Variants in CLNK observed in about 807,000 individuals in gnomAD.
CLNK encodes the protein cytokine-dependent hematopoietic cell linker.
Under a neutral mutation model 68.6 loss-of-function variants are expected in CLNK, and 74 were observed. That is an observed-to-expected ratio of 1.08 (90% CI 0.89 to 1.31). The LOEUF (loss-of-function observed/expected upper bound fraction) is 1.31, where lower values mean the gene tolerates loss of function less well. Ranked by LOEUF, CLNK falls within the 50% of genes most tolerant of loss-of-function variation. The pLI, the probability that CLNK is intolerant of heterozygous loss-of-function variation, is 0.00. For missense variants in CLNK, 553 were observed against 515.3 expected, an observed-to-expected ratio of 1.07 and a Z score of -0.71; for synonymous variants, 198 against 172.2, an observed-to-expected ratio of 1.15 and a Z score of -1.17.
At chr4:10,658,424 T>C (rs1278047137) in intron 2 of CLNK, among the ~76,000 whole-genome samples, 2 of 152,196 alleles carry the variant, frequency 1.3e-5, no homozygotes, top group African/African-American at 4.8e-5. Flanking sequence ...TCCAAAACAG[T>C]AGCTTAAAAC....
chr4:10,675,892 C>A (rs1297067291), intron 1 of CLNK, among the ~76,000 whole-genome samples: 1 of 152,118 alleles, frequency 6.6e-6, no homozygotes, highest in Non-Finnish European at 1.5e-5. Context: ...TTTCTTTTAT[C>A]ATTAAAACAG....
intron 2 of CLNK, among the ~76,000 whole-genome samples, chr4:10,638,003 A>G (rs1723161671): frequency 6.6e-6 from 1 of 152,160 alleles, no homozygotes; most frequent in African/African-American, 2.4e-5. Flanking sequence ...GAGTGAGCAC[A>G]GGGTCATCTA....
chr4:10,623,383 G>A (rs1183486780), intron 2 of CLNK, among the ~76,000 whole-genome samples: 6 of 152,160 alleles, frequency 3.9e-5, no homozygotes, highest in Non-Finnish European at 8.8e-5. Context: ...TGTTTGTTGA[G>A]CATCTCCTCA....
chr4:10,583,696 A>G (rs555650192), intron 4 of CLNK, among the ~76,000 whole-genome samples: 4 of 152,266 alleles, frequency 2.6e-5, no homozygotes, highest in African/African-American at 9.6e-5. Context: ...CTTTATATCA[A>G]TGGACTTTTG....
At chr4:10,663,992 C>T (rs923205897) in intron 2 of CLNK, among the ~76,000 whole-genome samples, 1 of 152,192 alleles carries the variant, frequency 6.6e-6, no homozygotes, top group Non-Finnish European at 1.5e-5. Flanking sequence ...TGTTCTTGGA[C>T]TTCCCAGCTC....
At position 10,508,053 on chromosome 4, in the gene CLNK, A is replaced by G. The variant is rs1018414627; in HGVS notation, c.907-17T>C. 4.4e-6 allele frequency: 7 copies of G among 1,588,202 alleles called. No homozygotes were observed. The highest frequency in any genetic ancestry group is 6.0e-6 in the Non-Finnish European group (7 of 1,166,074). Reference sequence around the variant, plus strand: ...CTGGACATCCTGCAGAACAGAATCAATGATAAATATTTTAGGGTCAATGGG... The same window carrying G: ...CTGGACATCCTGCAGAACAGAATCAGTGATAAATATTTTAGGGTCAATGGG... On this transcript the variant is annotated splice_polypyrimidine_tract_variant and intron_variant, in intron 16 of 18. Transcript: ENST00000226951.
At chr4:10,578,952 C>G (rs556449110) in intron 4 of CLNK, among the ~76,000 whole-genome samples, 1 of 152,326 alleles carries the variant, frequency 6.6e-6, no homozygotes, top group East Asian at 1.9e-4. Context: ...GTGCCAGGCA[C>G]AAACTGGTGA....
chr4:10,549,150 G>A (rs376748440), intron 8 of CLNK, among the ~76,000 whole-genome samples: 4 of 152,100 alleles, frequency 2.6e-5, no homozygotes, highest in Admixed American at 2.0e-4. Context: ...AAAAATCCAC[G>A]GGGATTTCAG....
intron 1 of CLNK, among the ~76,000 whole-genome samples, chr4:10,680,009 A>G (rs2108902715): frequency 6.6e-6 from 1 of 152,304 alleles, no homozygotes; most frequent in South Asian, 2.1e-4. Context: ...CAGCCATCTC[A>G]TTACTGGATA....
At chr4:10,491,187 A>G (rs1236543327) in intron 18 of CLNK, among the ~76,000 whole-genome samples, 1 of 152,370 alleles carries the variant, frequency 6.6e-6, no homozygotes, top group Non-Finnish European at 1.5e-5. Flanking sequence ...TAAACTTCCT[A>G]TACAGGGAGT....
intron 4 of CLNK, 137 bp from the exon 5 acceptor site, chr4:10,571,915 TA>T (rs1720369734): frequency 1.5e-6 from 1 of 660,690 alleles, no homozygotes; most frequent in Non-Finnish European, 2.6e-6. Context: ...TTTTCAAAAC[TA>T]AAGTGCATTT....
At chr4:10,714,726 T>G in the CLNK span, among the ~76,000 whole-genome samples, 1 of 151,572 alleles carries the variant, frequency 6.6e-6, no homozygotes, top group South Asian at 2.1e-4. Context: ...GTGAGTAGCT[T>G]ATTCTCATAT....
the CLNK span, among the ~76,000 whole-genome samples, chr4:10,723,085 T>C: frequency 0.1 from 15,172 of 152,142 alleles, 898 homozygotes; most frequent in South Asian, 0.22. Flanking sequence ...TATTGGTTAC[T>C]TGGTGTATGC....
At chr4:10,668,754 G>A (rs1724510148) in intron 1 of CLNK, among the ~76,000 whole-genome samples, 1 of 152,178 alleles carries the variant, frequency 6.6e-6, no homozygotes, top group Admixed American at 6.5e-5. Flanking sequence ...TAGAGGAGCT[G>A]TGGCTTTCAG....
At chr4:10,519,720 G>T (rs1296588193) in intron 15 of CLNK, among the ~76,000 whole-genome samples, 1 of 152,140 alleles carries the variant, frequency 6.6e-6, no homozygotes, top group Non-Finnish European at 1.5e-5. Context: ...CAACCCATAG[G>T]CCTACTGAGG....
At chr4:10,634,264 A>G (rs1201316465) in intron 2 of CLNK, among the ~76,000 whole-genome samples, 1 of 152,162 alleles carries the variant, frequency 6.6e-6, no homozygotes, top group Non-Finnish European at 1.5e-5. Context: ...CCTTTTTCCA[A>G]AGGAAGTTTT....
the CLNK span, among the ~76,000 whole-genome samples, chr4:10,726,533 GCT>G: frequency 6.6e-6 from 1 of 152,126 alleles, no homozygotes; most frequent in Non-Finnish European, 1.5e-5. Flanking sequence ...ATCTGCAATT[GCT>G]CTGTTTCCAG....
intron 2 of CLNK, among the ~76,000 whole-genome samples, chr4:10,613,905 T>C (rs966074571): frequency 6.6e-6 from 1 of 152,226 alleles, no homozygotes; most frequent in African/African-American, 2.4e-5. Context: ...GCAGGATAGG[T>C]TCTGTCTCAC....
chr4:10,523,923 G>T, intron 14 of CLNK: 1 of 387,276 alleles, frequency 2.6e-6, no homozygotes, highest in Non-Finnish European at 5.1e-6. Context: ...TACTCTGGGG[G>T]ATGATGTGGG....
Sources: allele counts gnomAD v4.1 joint callset (sites outside exome capture counted in the v4.1 genomes callset), GRCh38; gene constraint gnomAD v4.1.1; transcripts MANE v1.5; gene names NCBI Gene and HGNC (gene_info 2026-07-23, HGNC 2026-07-21).